Variants in ADORA2B observed in about 807,000 individuals in gnomAD.
The protein encoded by ADORA2B is adenosine receptor A2b.
In ADORA2B, 18 loss-of-function variants were observed where a neutral mutation model predicts 20.8. That is an observed-to-expected ratio of 0.87 (90% confidence interval 0.60 to 1.29). The LOEUF (loss-of-function observed/expected upper bound fraction) is 1.29, where lower values mean the gene tolerates loss of function less well. ADORA2B is among the 50% of genes most tolerant of loss of function. The pLI is 0.00. For missense variants in ADORA2B, 441 were observed against 422.7 expected (o/e 1.04, Z -0.38); for synonymous variants, 179 against 178.3 (o/e 1.00, Z -0.03).
chr17:15,888,030 G>A, the ADORA2B span, among the ~76,000 whole-genome samples: 11 of 106,782 alleles, frequency 1.0e-4, 2 homozygotes, highest in Middle Eastern at 5.2e-3. Context: ...GAGATAATGA[G>A]CCATATAAAA....
intron 1 of ADORA2B, among the ~76,000 whole-genome samples, chr17:15,971,374 C>G (rs1340404380): frequency 6.6e-6 from 1 of 152,218 alleles, no homozygotes; most frequent in Non-Finnish European, 1.5e-5. Context: ...AAGACAAATT[C>G]AGTGAAAAAA....
chr17:15,945,730 G>C, intron 1 of ADORA2B, 147 bp downstream of exon 1: 2 of 744,032 alleles, frequency 2.7e-6, no homozygotes, highest in Non-Finnish European at 2.1e-6. Flanking sequence ...TTCCCAGCCT[G>C]GCCACCCCGC....
At chr17:15,899,838 C>CTT in the ADORA2B span, among the ~76,000 whole-genome samples, 1 of 143,874 alleles carries the variant, frequency 7.0e-6, no homozygotes, top group African/African-American at 2.5e-5. Context: ...TTCTTTTTTT[C>CTT]TTTTTTTTTT....
chr17:15,907,396 G>A, the ADORA2B span, among the ~76,000 whole-genome samples: 1 of 152,048 alleles, frequency 6.6e-6, no homozygotes, highest in Admixed American at 6.6e-5. Context: ...ACTTTTCCAT[G>A]GTATCTCTGC....
At chr17:15,898,908 T>A in the ADORA2B span, among the ~76,000 whole-genome samples, 1 of 152,220 alleles carries the variant, frequency 6.6e-6, no homozygotes, top group East Asian at 1.9e-4. Context: ...TCTTAAACAT[T>A]TGTTTTTCAA....
At chr17:15,889,634 C>G in the ADORA2B span, among the ~76,000 whole-genome samples, 1 of 130,268 alleles carries the variant, frequency 7.7e-6, no homozygotes, top group East Asian at 2.0e-4. Flanking sequence ...TGGCTCATGC[C>G]TGTAATCCCA....
chr17:15,889,204 C>T, the ADORA2B span, among the ~76,000 whole-genome samples: 2 of 127,682 alleles, frequency 1.6e-5, no homozygotes, highest in African/African-American at 3.4e-5. Flanking sequence ...ATTATTTTTA[C>T]AAATGTGTAA....
intron 1 of ADORA2B, among the ~76,000 whole-genome samples, chr17:15,966,745 A>C (rs1970122640): frequency 6.6e-6 from 1 of 152,212 alleles, no homozygotes. Context: ...ACTTTCCCAG[A>C]ACTCCCCTGT....
chr17:15,970,514 A>G (rs772008646), intron 1 of ADORA2B, among the ~76,000 whole-genome samples: 9 of 152,222 alleles, frequency 5.9e-5, no homozygotes, highest in Non-Finnish European at 1.2e-4. Context: ...AGCATAACAT[A>G]GTGCAAGGAA....
At chr17:15,871,232 T>C in the ADORA2B span, among the ~76,000 whole-genome samples, 1 of 152,146 alleles carries the variant, frequency 6.6e-6, no homozygotes, top group Non-Finnish European at 1.5e-5. Context: ...ACCTGTCAGA[T>C]TGTTCGCACA....
At chr17:15,866,132 T>G in the ADORA2B span, among the ~76,000 whole-genome samples, 1 of 152,202 alleles carries the variant, frequency 6.6e-6, no homozygotes, top group East Asian at 1.9e-4. Context: ...CTTGTCGATG[T>G]CTCTTGAAAC....
In ADORA2B at chr17:15,975,235, C is replaced by A. The variant is rs753096102; in HGVS notation, c.892C>A (p.Arg298Ser). The A allele has an allele frequency of 6.8e-6, 11 of 1,613,826 alleles. No individual in the cohort carries two copies. Among genetic ancestry groups the A allele is most frequent in the African/African-American group, 6.7e-5 (5 of 74,894 alleles). ...CTATGCTTACCGGAACCGAGACTTC[C>A]GCTACACTTTTCACAAAATTATCTC... is the stretch of plus-strand genomic sequence containing the variant. ...IVYAYRNRDF[R>S]YTFHKIISRY... The change falls in exon 2 of 2, where the codon CGC (arginine) becomes AGC (serine). Residue 298 changes from arginine to serine, a missense_variant. Arg to Ser is a moderately radical substitution (Grantham distance 110, BLOSUM62 -1). Transcript: ENST00000304222.
the ADORA2B span, among the ~76,000 whole-genome samples, chr17:15,851,204 A>G: frequency 6.7e-6 from 1 of 149,908 alleles, no homozygotes; most frequent in Non-Finnish European, 1.5e-5. Flanking sequence ...AATATGAGAG[A>G]TCACTGTAGT....
chr17:15,917,605 G>A, the ADORA2B span, among the ~76,000 whole-genome samples: 1 of 152,250 alleles, frequency 6.6e-6, no homozygotes, highest in Non-Finnish European at 1.5e-5. Context: ...CCGGGCTAGG[G>A]AACAGGGATG....
intron 1 of ADORA2B, among the ~76,000 whole-genome samples, chr17:15,950,601 A>ACTGTGGGCC (rs1969887034): frequency 6.6e-6 from 1 of 152,168 alleles, no homozygotes; most frequent in Admixed American, 6.5e-5. Flanking sequence ...CCTGGTGGGC[A>ACTGTGGGCC]CTGTGGGCCC....
chr17:15,887,302 C>T, the ADORA2B span, among the ~76,000 whole-genome samples: 2 of 130,646 alleles, frequency 1.5e-5, 1 homozygote, highest in African/African-American at 6.5e-5. Context: ...CCCCAAGTGC[C>T]GTCAGTGCAG....
intron 1 of ADORA2B, among the ~76,000 whole-genome samples, chr17:15,966,532 C>A (rs2151606206): frequency 6.6e-6 from 1 of 152,358 alleles, no homozygotes; most frequent in Non-Finnish European, 1.5e-5. Flanking sequence ...CAGAAATAGG[C>A]CAGTGCTTGT....
chr17:15,872,354 A>G, the ADORA2B span, among the ~76,000 whole-genome samples: 1 of 151,938 alleles, frequency 6.6e-6, no homozygotes, highest in South Asian at 2.1e-4. Flanking sequence ...ATGCCTCCAG[A>G]TTTGTTCTTT....
chr17:15,945,127 C>A, upstream of ADORA2B: 1 of 885,746 alleles, frequency 1.1e-6, no homozygotes, highest in Non-Finnish European at 1.5e-6. Flanking sequence ...AGCCCCGAGG[C>A]TCAGAAGCGG....
Sources: allele counts gnomAD v4.1 joint callset (sites outside exome capture counted in the v4.1 genomes callset), GRCh38; gene constraint gnomAD v4.1.1; transcripts MANE v1.5; gene names NCBI Gene and HGNC (gene_info 2026-07-23, HGNC 2026-07-21).